The following TRA2A variants were observed in gnomAD, a reference collection of about 807,000 sequenced individuals.
The protein encoded by TRA2A is transformer 2 alpha homolog.
Under a neutral mutation model 45.7 loss-of-function variants are expected in TRA2A, and 31 were observed. The observed-to-expected ratio is 0.68, with a 90% CI of 0.51 to 0.92. TRA2A has a LOEUF of 0.92. Ranked by LOEUF, TRA2A falls within the 40% of genes least tolerant of loss-of-function variation. The pLI is 0.00. For synonymous variants in TRA2A, 132 were observed against 126.2 expected, an observed-to-expected ratio of 1.05 and a Z score of -0.31; for missense variants, 304 against 367.5, an observed-to-expected ratio of 0.83 and a Z score of 1.41.
At chr7:23,522,012 G>A in intron 1 of TRA2A, 172 bp from the exon 2 acceptor site, 2 of 1,399,746 alleles carry the variant, frequency 1.4e-6, no homozygotes, top group Admixed American at 2.9e-5. Context: ...ACTGCTAACT[G>A]TCCTCAATAA....
At chr7:23,528,365 G>A (rs1447651889) in intron 1 of TRA2A, among the ~76,000 whole-genome samples, 4 of 151,800 alleles carry the variant, frequency 2.6e-5, no homozygotes, top group Middle Eastern at 3.4e-3. Context: ...GCGCCACCAC[G>A]CCCAGCTAAT....
At position 23,505,398 on chromosome 7, in the gene TRA2A, T is replaced by C. The variant is rs1183658731; in HGVS notation, c.*161A>G. 3 of 470,256 alleles carry C rather than the reference T, an allele frequency of 6.4e-6. No individual in the cohort carries two copies. The highest frequency in any genetic ancestry group is 4.2e-5 in the African/African-American group (2 of 47,564). 29.1% of individuals were successfully genotyped at this position (470,256 alleles called of 1,614,324 possible). ...TCTTTTAAGAGTATAATAAAATGGG[T>C]GGAAAACAGCAACACAACTGACAAA... On this transcript the variant is annotated 3_prime_UTR_variant, in exon 8 of 8. Coordinates refer to ENST00000297071, the MANE Select transcript of TRA2A (RefSeq NM_013293.5).
intron 4 of TRA2A, among the ~76,000 whole-genome samples, chr7:23,510,212 C>G (rs1286391661): frequency 6.6e-6 from 1 of 152,200 alleles, no homozygotes; most frequent in East Asian, 1.9e-4. Flanking sequence ...ATTTAGCTGA[C>G]AAGCCTCGTC....
intron 4 of TRA2A, among the ~76,000 whole-genome samples, chr7:23,510,376 C>T (rs550985742): frequency 2.0e-4 from 31 of 152,166 alleles, no homozygotes; most frequent in Non-Finnish European, 4.0e-4. Flanking sequence ...GTTGCCCAGG[C>T]TGGAGTGAAG....
At chr7:23,511,913 AAAAC>A (rs1789638994) in intron 4 of TRA2A, among the ~76,000 whole-genome samples, 1 of 152,244 alleles carries the variant, frequency 6.6e-6, no homozygotes, top group South Asian at 2.1e-4. Context: ...AGAGAATAGA[AAAAC>A]AAGTTCCTTC....
At chr7:23,531,746 C>CCTAGACGGCCTAGA in intron 1 of TRA2A, 43 bp downstream of exon 1, 1 of 1,610,794 alleles carries the variant, frequency 6.2e-7, no homozygotes, top group Non-Finnish European at 8.5e-7. Context: ...AAACCCCGAG[C>CCTAGACGGCCTAGA]ATTGGGCCGC....
At chr7:23,507,676 T>C (rs1789406809) in intron 4 of TRA2A, 141 bp from the exon 5 acceptor site, 2 of 632,770 alleles carry the variant, frequency 3.2e-6, no homozygotes, top group Non-Finnish European at 5.7e-6. Flanking sequence ...TACAGGGCAT[T>C]GTATAGACAA....
intron 2 of TRA2A, among the ~76,000 whole-genome samples, chr7:23,520,977 G>C (rs1327430176): frequency 6.6e-6 from 1 of 152,140 alleles, no homozygotes; most frequent in Non-Finnish European, 1.5e-5. Context: ...ACAGGTGTGA[G>C]CCACTGCACC....
intron 2 of TRA2A, among the ~76,000 whole-genome samples, chr7:23,517,072 T>C (rs906509080): frequency 6.6e-6 from 1 of 151,788 alleles, no homozygotes; most frequent in Admixed American, 6.6e-5. Context: ...GCCACCGCAC[T>C]CCAGCATGGT....
chr7:23,521,571 C>G (rs764429059), intron 2 of TRA2A, 136 bp downstream of exon 2: 4 of 988,620 alleles, frequency 4.0e-6, no homozygotes, highest in African/African-American at 3.3e-5. Context: ...ATATAGTATT[C>G]ATTTACAAAG....
chr7:23,514,965 T>A (rs1383114574), intron 3 of TRA2A, among the ~76,000 whole-genome samples: 1 of 152,186 alleles, frequency 6.6e-6, no homozygotes, highest in Non-Finnish European at 1.5e-5. Flanking sequence ...AGACTGCTAG[T>A]TAGCAAAAAC....
chr7:23,513,823 A>T (rs571165665), intron 3 of TRA2A, among the ~76,000 whole-genome samples: 25 of 151,974 alleles, frequency 1.6e-4, no homozygotes, highest in African/African-American at 5.8e-4. Context: ...TCACATTCTG[A>T]TTTGTCTTGA....
intron 1 of TRA2A, chr7:23,522,044 C>T: frequency 1.4e-6 from 2 of 1,394,756 alleles, no homozygotes; most frequent in Non-Finnish European, 1.9e-6. Flanking sequence ...AACCAGATCA[C>T]CAATTCTCTA....
At chr7:23,527,282 TA>T (rs1790377289) in intron 1 of TRA2A, among the ~76,000 whole-genome samples, 1 of 152,124 alleles carries the variant, frequency 6.6e-6, no homozygotes, top group Non-Finnish European at 1.5e-5. Flanking sequence ...TATATATAAC[TA>T]TATATATAAG....
intron 3 of TRA2A, among the ~76,000 whole-genome samples, chr7:23,515,210 G>A (rs978676964): frequency 6.7e-6 from 1 of 149,120 alleles, no homozygotes; most frequent in Non-Finnish European, 1.5e-5. Context: ...ACTTGAATTC[G>A]TGGAACATAT....
intron 2 of TRA2A, 91 bp downstream of exon 2, chr7:23,521,616 C>T (rs751961210): frequency 4.9e-6 from 7 of 1,439,248 alleles, no homozygotes; most frequent in South Asian, 4.8e-5. Context: ...TTGAGTCTTT[C>T]GTGAAATTTC....
rs1383734333 is a variant in TRA2A, at chr7:23,504,794, A to G, written c.*765T>C. 2 of 152,618 alleles carry G rather than the reference A, an allele frequency of 1.3e-5. No homozygotes were observed. Among genetic ancestry groups the G allele is most frequent in the African/African-American group, 4.8e-5 (2 of 41,458 alleles). The allele number at this position is 152,618 out of a possible 1,614,324, so 9.5% of individuals were successfully genotyped here. ...AGACAATCCCATTTTCAAAGAAATT[A>G]GCTTTTATTTGAGACTACTTTTCCC... On this transcript the variant is annotated 3_prime_UTR_variant, in exon 8 of 8. Coordinates refer to ENST00000297071, the MANE Select transcript of TRA2A (RefSeq NM_013293.5).
At chr7:23,523,574 CAAGAACTGT>C (rs1790221554) in intron 1 of TRA2A, among the ~76,000 whole-genome samples, 1 of 152,196 alleles carries the variant, frequency 6.6e-6, no homozygotes, top group Admixed American at 6.5e-5. Context: ...ACTTATTTAT[CAAGAACTGT>C]ACAAATGCCA....
intron 4 of TRA2A, among the ~76,000 whole-genome samples, chr7:23,509,921 G>T (rs867006016): frequency 5.9e-5 from 9 of 152,230 alleles, no homozygotes; most frequent in Middle Eastern, 3.4e-3. Flanking sequence ...AGCTACTCGG[G>T]AGGCTAAGGT....
Sources: allele counts gnomAD v4.1 joint callset (sites outside exome capture counted in the v4.1 genomes callset), GRCh38; gene constraint gnomAD v4.1.1; transcripts MANE v1.5; gene names NCBI Gene and HGNC (gene_info 2026-07-23, HGNC 2026-07-21).